Variants in KIF17 observed in about 807,000 individuals in gnomAD.
The protein encoded by KIF17 is kinesin family member 17, also known as kinesin-like protein KIF17.
In KIF17, 80 loss-of-function variants were observed where a neutral mutation model predicts 96.8. The ratio of observed to expected loss-of-function variants is 0.83; its 90% CI spans 0.69 to 1.00. The LOEUF (loss-of-function observed/expected upper bound fraction) is 1.00. KIF17 is among the 50% of genes least tolerant of loss of function. The pLI, the probability that KIF17 is intolerant of heterozygous loss-of-function variation, is 0.00. For missense variants in KIF17, 1,280 were observed against 1,372.9 expected (o/e 0.93, Z 1.07); for synonymous variants, 567 against 587.5 (o/e 0.97, Z 0.51).
In KIF17 at chr1:20,700,949, C is replaced by G. The variant is rs1372305892; in HGVS notation, c.1124-2461G>C. Among the ~76,000 whole-genome samples the G allele has an allele frequency of 1.3e-5, 2 of 152,190 alleles. No homozygotes were observed. The highest frequency in any genetic ancestry group is 2.9e-5 in the Non-Finnish European group (2 of 68,032). ...GTCCCAACCTGCCTCCCAGGCCTTG[C>G]TGTGTGTTTCCCACAGGAAGCCCAG... On this transcript the variant is annotated intron_variant, in intron 5 of 14. Coordinates refer to ENST00000400463, the MANE Select transcript of KIF17 (RefSeq NM_001122819.3). This position sits in a 1 kb window ranked among gnomAD's most constrained non-coding sequence, Gnocchi z 4.6.
At position 20,690,350 on chromosome 1, in the gene KIF17, G is replaced by GCC; in HGVS notation, c.1234-16_1234-15insGG. On this transcript the variant is annotated splice_polypyrimidine_tract_variant and intron_variant, in intron 6 of 14. Transcript: ENST00000400463. ...TCTTCATACTCCTGGGGGGGTGGGA[G>GCC]GGACCAGAGGGCAGGCAGCATTTTA... The GCC allele has an allele frequency of 1.6e-6, 1 of 620,230 alleles. No homozygotes were observed. Among genetic ancestry groups the GCC allele is most frequent in the Non-Finnish European group, 2.9e-6 (1 of 342,332 alleles). 38.4% of individuals were successfully genotyped at this position (620,230 alleles called of 1,614,324 possible).
intron 3 of KIF17, among the ~76,000 whole-genome samples, chr1:20,711,267 C>T (rs2154537631): frequency 6.6e-6 from 1 of 152,270 alleles, no homozygotes; most frequent in South Asian, 2.1e-4. Flanking sequence ...CCCCAGGAGA[C>T]AACACCTCAC....
At position 20,664,325 on chromosome 1, in the gene KIF17, A is replaced by G; in HGVS notation, c.*259T>C. The G allele has an allele frequency of 3.6e-6, 5 of 1,388,474 alleles. No individual in the cohort carries two copies. Among genetic ancestry groups the G allele is most frequent in the South Asian group, 1.5e-5 (1 of 66,012 alleles). The allele number at this position is 1,388,474 out of a possible 1,614,324, so 86.0% of individuals were successfully genotyped here. A position where few individuals can be genotyped will look rare whatever the true frequency, so the allele number is the denominator to read the frequency against. On this transcript the variant is annotated 3_prime_UTR_variant, in exon 15 of 15. Transcript: ENST00000400463. The stretch of plus-strand genomic sequence containing the variant: ...GGTGTGGGCTCTGTGGCAGGTGAGC[A>G]GACGGAAACACTGATGTGGTATGAA...
chr1:20,712,608 A>AT lies in KIF17; in HGVS notation c.480+845dup, dbSNP rs1426169089. The stretch of plus-strand genomic sequence containing the variant: ...TATATATATATCTATATATATCTAT[A>AT]TATATATAATATAGATAATATCTAT... On this transcript the variant is annotated intron_variant, in intron 3 of 14. Transcript: ENST00000400463. 1.6e-3 allele frequency among the ~76,000 whole-genome samples: 34 copies of AT among 20,804 alleles called. 12 individuals are homozygous for AT. The highest frequency in any genetic ancestry group is 4.5e-3 in the Non-Finnish European group (28 of 6,274). 13.6% of individuals were successfully genotyped at this position (20,804 alleles called of 152,430 possible).
In KIF17 at chr1:20,687,434, G is replaced by A. The variant is rs1470613330; in HGVS notation, c.1892C>T (p.Ala631Val). 2 of 1,613,772 alleles carry A rather than the reference G, an allele frequency of 1.2e-6. No homozygotes were observed. Among genetic ancestry groups the A allele is most frequent in the Non-Finnish European group, 1.7e-6 (2 of 1,180,054 alleles). Residue 631 changes from alanine to valine, a missense_variant, in exon 8 of 15, where the codon GCC (alanine) becomes GTC (valine). Coordinates refer to ENST00000400463, the MANE Select transcript of KIF17 (RefSeq NM_001122819.3). This position sits in a 1 kb window ranked among gnomAD's most constrained non-coding sequence, Gnocchi z 4.4. Reference sequence around the variant, plus strand: ...GTCTGCCTGGGGTGCATCTGTCCTGGCCACGGTGGAGGAGAGTCTGGCCAG... The same window carrying A: ...GTCTGCCTGGGGTGCATCTGTCCTGACCACGGTGGAGGAGAGTCTGGCCAG... ...AKLARLSSTV[A>V]RTDAPQADVP...
chr1:20,704,757 G>T lies in KIF17; in HGVS notation c.813C>A (p.Gly271=). 1 of 1,612,470 alleles carries T rather than the reference G, an allele frequency of 6.2e-7. No homozygotes were observed. Among genetic ancestry groups the T allele is most frequent in the Non-Finnish European group, 8.5e-7 (1 of 1,179,486 alleles). ...TKINLSLSAL[G]NVISALVDGR... ...CGTCCACCAGCGCCGAGATGACATTGCCCAGTGCCGAGAGCGACAGGTTGA... is the reference window on the plus strand; with the variant it reads ...CGTCCACCAGCGCCGAGATGACATTTCCCAGTGCCGAGAGCGACAGGTTGA... Residue 271 remains glycine (G), a synonymous_variant, in exon 5 of 15, where the codon GGC becomes GGA. Coordinates refer to ENST00000400463, the MANE Select transcript of KIF17 (RefSeq NM_001122819.3). This position sits in a 1 kb window ranked among gnomAD's most constrained non-coding sequence, Gnocchi z 6.8.
rs2054313960 is a variant in KIF17, at chr1:20,704,823, C to T, written c.747G>A (p.Lys249=). The T allele has an allele frequency of 6.2e-7, 1 of 1,606,808 alleles. No homozygotes were observed. The highest frequency in any genetic ancestry group is 8.5e-7 in the Non-Finnish European group (1 of 1,179,876). Reference sequence around the variant, plus strand: ...TGAGCCGCTCGCCCGTGGCCCCGGTCTTGGACTGCCGCTCGCTGCCCGCCA... The same window carrying T: ...TGAGCCGCTCGCCCGTGGCCCCGGTTTTGGACTGCCGCTCGCTGCCCGCCA... The part of the protein sequence containing the change: ...VDLAGSERQS[K]TGATGERLKE... The change falls in exon 5 of 15, where the codon AAG becomes AAA. Residue 249 remains lysine (K), a synonymous_variant. Transcript: ENST00000400463. The surrounding 1 kb of genome is among the most constrained non-coding windows in gnomAD (Gnocchi z 6.8).
Position 20,686,761 on chromosome 1 carries a change from A to G in KIF17, c.1938+627T>C, listed in dbSNP as rs548393321. ...GGTAGAAATGGGGTTTCACTTCACC[A>G]TGTTGGCCAGGCCGGTCTTGAACTC... On this transcript the variant is annotated intron_variant, in intron 8 of 14. Coordinates refer to ENST00000400463, the MANE Select transcript of KIF17 (RefSeq NM_001122819.3). Among the ~76,000 whole-genome samples the G allele has an allele frequency of 5.3e-5, 8 of 152,270 alleles. No homozygotes were observed. The South Asian group carries it at 1.7e-3, about 32-fold the overall frequency.
chr1:20,712,980 T>G (rs1304678558), intron 3 of KIF17, among the ~76,000 whole-genome samples: 1 of 137,960 alleles, frequency 7.2e-6, no homozygotes, highest in Non-Finnish European at 1.5e-5. Flanking sequence ...TATCTATATA[T>G]AGATACTATA....
Position 20,715,624 on chromosome 1 carries a change from A to G in KIF17, c.247T>C (p.Tyr83His), listed in dbSNP as rs143703360. Reference protein sequence around the residue: ...YPLVEGVTEGYNGTIFAYGQT... With the variant: ...YPLVEGVTEGHNGTIFAYGQT... ...CCGTAGGCAAAGATGGTGCCATTGT[A>G]GCCCTCAGTGACGCCCTGCATGGGA... is the stretch of plus-strand genomic sequence containing the variant. Residue 83 changes from tyrosine (Y) to histidine (H), a missense_variant, in exon 2 of 15, where the codon TAC becomes CAC. By Grantham distance (83) the Tyr-to-His change is moderately conservative. Coordinates refer to ENST00000400463, the MANE Select transcript of KIF17 (RefSeq NM_001122819.3). The G allele has an allele frequency of 7.4e-6, 12 of 1,613,298 alleles. No individual in the cohort carries two copies. The highest frequency in any genetic ancestry group is 1.0e-5 in the Non-Finnish European group (12 of 1,179,710).
At chr1:20,711,997 GGT>G (rs2054445504) in intron 3 of KIF17, among the ~76,000 whole-genome samples, 1 of 152,098 alleles carries the variant, frequency 6.6e-6, no homozygotes, top group Admixed American at 6.6e-5. Flanking sequence ...TCTAAAGCCC[GGT>G]GACCTCTGGA....
Position 20,682,875 on chromosome 1 carries a change from C to A in KIF17, c.2241G>T (p.Leu747=). The A allele has an allele frequency of 6.2e-7, 1 of 1,610,126 alleles. No homozygotes were observed. Among genetic ancestry groups the A allele is most frequent in the African/African-American group, 1.3e-5 (1 of 75,066 alleles). The change falls in exon 11 of 15, where the codon CTG becomes CTT. Residue 747 remains leucine, a synonymous_variant. Transcript: ENST00000400463. ...CTCCACCCACAACCTGCTGCTCCAA[C>A]AGCTGCAGACTGCCGGCGTGGAGGA... ...DQQQVLARLQ[L]LEQQVVGGEQ... is the part of the protein sequence containing the mutation.
intron 11 of KIF17, among the ~76,000 whole-genome samples, chr1:20,677,851 G>A (rs924432662): frequency 5.9e-5 from 9 of 152,228 alleles, no homozygotes; most frequent in South Asian, 2.1e-4. Flanking sequence ...GCGAGACTCC[G>A]TCTCAAAAAC....
At position 20,690,217 on chromosome 1, in the gene KIF17, G is replaced by A. The variant is rs769055081; in HGVS notation, c.1352C>T (p.Thr451Met). 8.1e-6 allele frequency: 13 copies of A among 1,614,118 alleles called. No individual in the cohort carries two copies. Among genetic ancestry groups the A allele is most frequent in the Middle Eastern group, 1.6e-4 (1 of 6,062 alleles). Reference sequence around the variant, plus strand: ...CTCCTTCCGCAGGTTCTCCTCCAGCGTGGACAGCCTGACGTCATATGAGTT... The same window carrying A: ...CTCCTTCCGCAGGTTCTCCTCCAGCATGGACAGCCTGACGTCATATGAGTT... ...MRNSYDVRLS[T>M]LEENLRKETE... The change falls in exon 7 of 15, where the codon ACG becomes ATG. Residue 451 changes from threonine (T) to methionine (M), a missense_variant. Physicochemically the swap from Thr to Met is moderately conservative, Grantham distance 81 (BLOSUM62 -1). Coordinates refer to ENST00000400463, the MANE Select transcript of KIF17 (RefSeq NM_001122819.3).
At position 20,681,323 on chromosome 1, in the gene KIF17, G is replaced by A. The variant is rs1469694673; in HGVS notation, c.2463+1330C>T. ...TCCTGCCTCAGCCTCCTGAGTAGCT[G>A]GGATTACAGCATGCGCCACCACGCC... On this transcript the variant is annotated intron_variant, in intron 11 of 14. Coordinates refer to ENST00000400463, the MANE Select transcript of KIF17 (RefSeq NM_001122819.3). Among the ~76,000 whole-genome samples, 12 of 151,424 alleles carry A rather than the reference G, an allele frequency of 7.9e-5. No homozygotes were observed. In the East Asian group the frequency reaches 2.2e-3, roughly 28 times the overall value.
intron 6 of KIF17, among the ~76,000 whole-genome samples, chr1:20,696,803 A>G (rs1286306626): frequency 6.6e-6 from 1 of 152,084 alleles, no homozygotes; most frequent in Non-Finnish European, 1.5e-5. Flanking sequence ...GAACAACAGC[A>G]GGCTGACTTC....
At position 20,709,615 on chromosome 1, in the gene KIF17, GCCC is replaced by G. The variant is rs2054401182; in HGVS notation, c.670+21_670+23del. 6.2e-7 allele frequency: 1 copy of G among 1,613,162 alleles called. No homozygotes were observed. On this transcript the variant is annotated intron_variant, in intron 4 of 14. Coordinates refer to ENST00000400463, the MANE Select transcript of KIF17 (RefSeq NM_001122819.3). This position sits in a 1 kb window ranked among gnomAD's most constrained non-coding sequence, Gnocchi z 4.7. Reference sequence around the variant, plus strand: ...GAGTGGCTGGGTCATCTGTCCCCCTGCCCCCAACAATGGCCTCGCATACCCACG... The same window carrying G: ...GAGTGGCTGGGTCATCTGTCCCCCTGCCAACAATGGCCTCGCATACCCACG...
chr1:20,713,295 TA>T (rs1246468322), intron 3 of KIF17, among the ~76,000 whole-genome samples, 158 bp downstream of exon 3: 2 of 146,588 alleles, frequency 1.4e-5, no homozygotes, highest in African/African-American at 2.5e-5. Flanking sequence ...TGCACCTGCC[TA>T]AAAAAGTTTT....
chr1:20,674,502 C>T (rs659553), intron 11 of KIF17, among the ~76,000 whole-genome samples: 2,889 of 151,644 alleles, frequency 0.019, 104 homozygotes, highest in African/African-American at 0.067. Flanking sequence ...TGGGTTCAAG[C>T]GATCCTCCCA....
Sources: allele counts gnomAD v4.1 joint callset (sites outside exome capture counted in the v4.1 genomes callset), GRCh38; gene constraint gnomAD v4.1.1; non-coding constraint Gnocchi (gnomAD v3.1); transcripts MANE v1.5; gene names NCBI Gene and HGNC (gene_info 2026-07-23, HGNC 2026-07-21).